The following DENND6B variants were observed in gnomAD, a reference collection of about 807,000 sequenced individuals.
The protein encoded by DENND6B is protein DENND6B.
DENND6B carries 73 observed loss-of-function variants against 85.1 expected under a neutral mutation model. The observed-to-expected ratio is 0.86, with a 90% confidence interval of 0.71 to 1.04. The LOEUF is 1.04. Ranked by LOEUF, DENND6B falls within the 50% of genes least tolerant of loss-of-function variation. DENND6B has a pLI of 0.00. For synonymous variants in DENND6B, 357 were observed against 329.3 expected (o/e 1.08, Z -0.91); for missense variants, 715 against 785.8 (o/e 0.91, Z 1.08).
In DENND6B at chr22:50,314,618, G is replaced by A. The variant is rs754349882; in HGVS notation, c.964C>T (p.Arg322Cys). The part of the protein sequence containing the change: ...HDSEFKEFTT[R>C]TQAPPNVVLG... ...GGCGGCACTTACGGGGCCTGCGTGCGTGTGGTGAACTCCTTGAACTCGCTG... is the reference window on the plus strand; with the variant it reads ...GGCGGCACTTACGGGGCCTGCGTGCATGTGGTGAACTCCTTGAACTCGCTG... Residue 322 changes from arginine to cysteine, a missense_variant, in exon 11 of 20, where the codon CGC (arginine) becomes TGC (cysteine). Arg to Cys is a radical substitution (Grantham distance 180). Coordinates refer to ENST00000413817, the MANE Select transcript of DENND6B (RefSeq NM_001001794.4). The A allele has an allele frequency of 3.9e-5, 61 of 1,563,690 alleles. 3 individuals are homozygous for A. The South Asian group carries it at 4.8e-4, about 12-fold the overall frequency.
intron 8 of DENND6B, 64 bp from the exon 9 acceptor site, chr22:50,315,833 C>T: frequency 1.4e-6 from 2 of 1,479,230 alleles, no homozygotes; most frequent in Non-Finnish European, 9.0e-7. Context: ...CCCCAAGCAG[C>T]CCCTGCCTCA....
chr22:50,315,416 C>A (rs780501012), intron 9 of DENND6B, among the ~76,000 whole-genome samples: 6 of 152,298 alleles, frequency 3.9e-5, no homozygotes, highest in South Asian at 2.1e-4. Flanking sequence ...TCTTTCAGAA[C>A]CTCCTGCCCA....
Position 50,312,072 on chromosome 22 carries a change from G to T in DENND6B, c.*67C>A. The T allele has an allele frequency of 6.3e-7, 1 of 1,575,706 alleles. No individual in the cohort carries two copies. Among genetic ancestry groups the T allele is most frequent in the Non-Finnish European group, 8.6e-7 (1 of 1,160,380 alleles). On this transcript the variant is annotated 3_prime_UTR_variant, in exon 20 of 20. Transcript: ENST00000413817. ...GGGAGCGTGTGCTTGGCCCAGTGCCGCCACCACTGGGGAGTGGGAGGCTCA... is the reference window on the plus strand; with the variant it reads ...GGGAGCGTGTGCTTGGCCCAGTGCCTCCACCACTGGGGAGTGGGAGGCTCA...
In DENND6B at chr22:50,317,402, C is replaced by T. The variant is rs374153910; in HGVS notation, c.373-29G>A. The T allele has an allele frequency of 1.9e-5, 31 of 1,611,278 alleles. No individual in the cohort carries two copies. The Admixed American group carries it at 2.7e-4, about 14-fold the overall frequency. On this transcript the variant is annotated intron_variant, in intron 4 of 19. Coordinates refer to ENST00000413817, the MANE Select transcript of DENND6B (RefSeq NM_001001794.4). The stretch of plus-strand genomic sequence containing the variant: ...CAAGGAGCATGGTGTTAGCCAGCCA[C>T]GCCCCACCCGGACCACCTGGCCAGC...
chr22:50,324,497 TCAC>T (rs1231420318), intron 1 of DENND6B, among the ~76,000 whole-genome samples: 1 of 152,192 alleles, frequency 6.6e-6, no homozygotes, highest in African/African-American at 2.4e-5. Context: ...CGATCTCGGC[TCAC>T]CACAACCTCC....
chr22:50,313,185 TC>T, intron 16 of DENND6B, 77 bp from the exon 17 acceptor site: 1 of 1,378,184 alleles, frequency 7.3e-7, no homozygotes, highest in Non-Finnish European at 1.0e-6. Flanking sequence ...CCAGACACAC[TC>T]CTCACCACTT....
At chr22:50,323,281 C>CTTT (rs571677497) in intron 1 of DENND6B, among the ~76,000 whole-genome samples, 1 of 126,108 alleles carries the variant, frequency 7.9e-6, no homozygotes, top group African/African-American at 3.0e-5. Context: ...ATGCCTGGCT[C>CTTT]TTTTTTTTTT....
At chr22:50,317,884 C>A (rs765319466) in intron 4 of DENND6B, 24 bp downstream of exon 4, 3 of 1,592,526 alleles carry the variant, frequency 1.9e-6, no homozygotes, top group Non-Finnish European at 1.7e-6. Flanking sequence ...GAGAAGCAGG[C>A]CAGAGACGCA....
At chr22:50,314,375 C>T in intron 12 of DENND6B, 25 bp downstream of exon 12, 5 of 1,565,708 alleles carry the variant, frequency 3.2e-6, no homozygotes, top group Non-Finnish European at 4.3e-6. Context: ...GAGCAGCACC[C>T]CCTGCACCTC....
intron 1 of DENND6B, among the ~76,000 whole-genome samples, chr22:50,320,250 G>T (rs1017961194): frequency 6.6e-6 from 1 of 152,222 alleles, no homozygotes; most frequent in East Asian, 1.9e-4. Context: ...ACAGGGTCTC[G>T]TTCCCTCACC....
chr22:50,313,597 T>G, intron 15 of DENND6B, 38 bp downstream of exon 15: 6 of 643,362 alleles, frequency 9.3e-6, no homozygotes, highest in African/African-American at 4.8e-5. Flanking sequence ...CCCAGCCCCG[T>G]GCCCCCCAGT....
intron 1 of DENND6B, among the ~76,000 whole-genome samples, chr22:50,322,687 T>C (rs2042083176): frequency 1.3e-5 from 2 of 151,976 alleles, no homozygotes; most frequent in South Asian, 4.2e-4. Flanking sequence ...TAGCTGGGAT[T>C]ACAGGCGTGC....
At chr22:50,314,131 C>T in intron 13 of DENND6B, 76 bp downstream of exon 13, 4 of 1,494,086 alleles carry the variant, frequency 2.7e-6, no homozygotes, top group Non-Finnish European at 2.7e-6. Flanking sequence ...GCCTGGCTGC[C>T]CCACCCGAGA....
Position 50,313,101 on chromosome 22 carries a change from G to A in DENND6B, c.1355C>T (p.Pro452Leu), listed in dbSNP as rs769447051. The change falls in exon 17 of 20, where the codon CCC becomes CTC. Residue 452 changes from proline (P) to leucine (L), a missense_variant. Physicochemically the swap from Pro to Leu is moderately conservative, Grantham distance 98 (BLOSUM62 -3). Transcript: ENST00000413817. The stretch of plus-strand genomic sequence containing the variant: ...ATCCTGGCTGAAGGGCTGGATCTGG[G>A]GGGGAGTCTGAGAGGGGATGGGTGA... ...QKSITPWKTP[P>L]QIQPFSQDDF... is the part of the protein sequence containing the mutation. 1.1e-5 allele frequency: 17 copies of A among 1,553,834 alleles called. 1 individual carries two copies. The highest frequency in any genetic ancestry group is 1.4e-5 in the African/African-American group (1 of 73,216).
At chr22:50,315,023 G>C (rs903907348) in intron 9 of DENND6B, 102 bp from the exon 10 acceptor site, 2 of 1,506,624 alleles carry the variant, frequency 1.3e-6, no homozygotes, top group Admixed American at 3.7e-5. Flanking sequence ...AGGCACTGGT[G>C]AACACAGCAC....
In DENND6B at chr22:50,313,456, G is replaced by A. The variant is rs562247869; in HGVS notation, c.1337C>T (p.Thr446Met). The A allele has an allele frequency of 7.0e-5, 108 of 1,543,862 alleles. No homozygotes were observed. Among genetic ancestry groups the A allele is most frequent in the African/African-American group, 1.1e-4 (8 of 72,660 alleles). Residue 446 changes from threonine (T) to methionine (M), a missense_variant, in exon 16 of 20, where the codon ACG becomes ATG. Transcript: ENST00000413817. ...CCACAGGACCCCCACCTTCCAGGGC[G>A]TGATGCTCTTCTGCAGGGGCATGAG... ...ASLMPLQKSI[T>M]PWKTPPQIQP...
intron 3 of DENND6B, 96 bp from the exon 4 acceptor site, chr22:50,318,116 G>A: frequency 8.2e-7 from 1 of 1,217,980 alleles, no homozygotes; most frequent in Non-Finnish European, 1.2e-6. Flanking sequence ...CTGCGAGCCT[G>A]GCCTCTGCTG....
Position 50,313,861 on chromosome 22 carries a change from T to G in DENND6B, c.1156A>C (p.Thr386Pro). The change falls in exon 14 of 20, where the codon ACG becomes CCG. Residue 386 changes from threonine to proline, a missense_variant. Coordinates refer to ENST00000413817, the MANE Select transcript of DENND6B (RefSeq NM_001001794.4). ...DTKPGLYTAY[T>P]AHLHRDKALL... ...GCCTTGTCGCGGTGGAGGTGGGCCG[T>G]GTAAGCGGTGTAGAGGCCTGGCGGG... 1.2e-6 allele frequency: 2 copies of G among 1,610,628 alleles called. No individual in the cohort carries two copies. Among genetic ancestry groups the G allele is most frequent in the East Asian group, 4.5e-5 (2 of 44,826 alleles).
At chr22:50,322,325 C>T (rs559645015) in intron 1 of DENND6B, among the ~76,000 whole-genome samples, 212 of 152,166 alleles carry the variant, frequency 1.4e-3, no homozygotes, top group Non-Finnish European at 2.3e-3. Flanking sequence ...CCACCTGCCT[C>T]GGCCTGCCAA....
Sources: gnomAD v4.1 joint callset for allele counts (sites outside exome capture counted in the v4.1 genomes callset) on GRCh38, gnomAD v4.1.1 for gene constraint, MANE v1.5 for transcripts, NCBI Gene and HGNC (gene_info 2026-07-23, HGNC 2026-07-21) for gene names.